The following MTUS2 variants were observed in gnomAD, a reference collection of about 807,000 sequenced individuals.
MTUS2 encodes the protein microtubule associated scaffold protein 2, also known as microtubule-associated tumor suppressor candidate 2.
MTUS2 carries 40 observed loss-of-function variants against 114.1 expected under a neutral mutation model. That is an observed-to-expected ratio of 0.35 (90% confidence interval 0.27 to 0.46). MTUS2 has a LOEUF of 0.46. Among genes scored for constraint, MTUS2 ranks in the 20% least tolerant of loss-of-function variants. The pLI, the probability that MTUS2 is intolerant of heterozygous loss-of-function variation, is 1.00. For missense variants in MTUS2, 1,679 were observed against 1,705.4 expected, an observed-to-expected ratio of 0.98 and a Z score of 0.27; for synonymous variants, 688 against 672.0, an observed-to-expected ratio of 1.02 and a Z score of -0.37.
intron 5 of MTUS2, among the ~76,000 whole-genome samples, chr13:29,231,383 A>G (rs1485412918): frequency 6.6e-6 from 1 of 152,160 alleles, no homozygotes; most frequent in Admixed American, 6.6e-5. Flanking sequence ...CATGTCCACC[A>G]TTTCTTCGGT....
intron 5 of MTUS2, among the ~76,000 whole-genome samples, chr13:29,244,545 A>G (rs1438878450): frequency 1.3e-5 from 2 of 152,290 alleles, no homozygotes; most frequent in African/African-American, 4.8e-5. Flanking sequence ...AGTGGCATGA[A>G]CACACTGGCA....
At chr13:29,192,620 A>G (rs1894493447) in intron 5 of MTUS2, among the ~76,000 whole-genome samples, 1 of 152,214 alleles carries the variant, frequency 6.6e-6, no homozygotes, top group Admixed American at 6.5e-5. Flanking sequence ...TGATTACTAT[A>G]TATGTATTGA....
intron 5 of MTUS2, among the ~76,000 whole-genome samples, chr13:29,244,955 CAAAAAAAAAA>C (rs56095961): frequency 3.5e-4 from 21 of 60,508 alleles, no homozygotes; most frequent in African/African-American, 1.5e-3. Flanking sequence ...GACTCCGTCT[CAAAAAAAAAA>C]AAAAAAAAAA....
At chr13:29,121,990 C>T (rs550750762) in intron 5 of MTUS2, among the ~76,000 whole-genome samples, 2 of 152,226 alleles carry the variant, frequency 1.3e-5, no homozygotes, top group South Asian at 2.1e-4. Flanking sequence ...CCTCACTTCT[C>T]GCTGTATTGT....
intron 5 of MTUS2, among the ~76,000 whole-genome samples, chr13:29,232,042 G>A (rs751347282): frequency 6.6e-6 from 1 of 152,038 alleles, no homozygotes; most frequent in Admixed American, 6.6e-5. Flanking sequence ...TTTACATTTG[G>A]CCTAAGAGTT....
intron 1 of MTUS2, among the ~76,000 whole-genome samples, chr13:28,836,302 C>T (rs1384935410): frequency 6.6e-6 from 1 of 152,168 alleles, no homozygotes; most frequent in Admixed American, 6.5e-5. Flanking sequence ...CCACCCCTTG[C>T]TGAGTGGCTA....
intron 4 of MTUS2, among the ~76,000 whole-genome samples, chr13:29,038,746 G>A (rs866308232): frequency 4.6e-5 from 7 of 152,250 alleles, no homozygotes; most frequent in African/African-American, 7.2e-5. Context: ...CTGCCCAGAC[G>A]GGAGGAATCT....
chr13:29,245,147 A>G (rs2062734675), intron 5 of MTUS2, among the ~76,000 whole-genome samples: 1 of 152,100 alleles, frequency 6.6e-6, no homozygotes, highest in African/African-American at 2.4e-5. Context: ...AATCATAGAC[A>G]TGCATCAGGA....
chr13:29,067,701 G>A (rs1057139529), intron 4 of MTUS2, among the ~76,000 whole-genome samples: 3 of 152,156 alleles, frequency 2.0e-5, no homozygotes, highest in African/African-American at 4.8e-5. Flanking sequence ...TCAGAGCATG[G>A]TGGGAGAGAT....
At chr13:29,389,399 A>ATACACGTGTGTGTGTG (rs1566172853) in intron 8 of MTUS2, among the ~76,000 whole-genome samples, 1 of 67,982 alleles carries the variant, frequency 1.5e-5, no homozygotes, top group Non-Finnish European at 2.8e-5. Context: ...GTGTGTGTAT[A>ATACACGTGTGTGTGTG]TATGTATACA....
At chr13:28,860,576 C>T (rs777442373) in intron 2 of MTUS2, among the ~76,000 whole-genome samples, 1 of 152,140 alleles carries the variant, frequency 6.6e-6, no homozygotes, top group Non-Finnish European at 1.5e-5. Context: ...AGCAAAACAT[C>T]GCCACATGCT....
At position 29,213,422 on chromosome 13, in the gene MTUS2, T is replaced by C. The variant is rs1895538757; in HGVS notation, c.2645-68282T>C. Among the ~76,000 whole-genome samples the C allele has an allele frequency of 2.0e-5, 3 of 152,232 alleles. No homozygotes were observed. The South Asian group carries it at 6.2e-4, about 32-fold the overall frequency. On this transcript the variant is annotated intron_variant, in intron 5 of 15. Transcript: ENST00000612955. Reference sequence around the variant, plus strand: ...ATTTTCTCTCTATATGTTCTTTCAGTAGCTGAGAAAGGGCTTGAAACATCA... The same window carrying C: ...ATTTTCTCTCTATATGTTCTTTCAGCAGCTGAGAAAGGGCTTGAAACATCA...
intron 2 of MTUS2, among the ~76,000 whole-genome samples, chr13:28,976,310 G>A (rs1276258795): frequency 6.6e-6 from 1 of 151,972 alleles, no homozygotes; most frequent in Non-Finnish European, 1.5e-5. Flanking sequence ...AGAGAGGTAT[G>A]AAGCAACCTA....
At chr13:29,280,204 CAT>C (rs1297171832) in intron 5 of MTUS2, among the ~76,000 whole-genome samples, 2 of 152,186 alleles carry the variant, frequency 1.3e-5, no homozygotes, top group African/African-American at 4.8e-5. Flanking sequence ...TTGCATCAAA[CAT>C]ATTTTTTATC....
At chr13:29,432,181 A>C (rs2138645306) in intron 8 of MTUS2, among the ~76,000 whole-genome samples, 1 of 152,184 alleles carries the variant, frequency 6.6e-6, no homozygotes, top group Middle Eastern at 3.4e-3. Flanking sequence ...ACTTGAGCTA[A>C]ATAAAAAGTA....
rs114933747 is a variant in MTUS2 at position 29,318,019 on chromosome 13, A to G, written c.2807-6594A>G. 6.0e-3 allele frequency among the ~76,000 whole-genome samples: 907 copies of G among 152,280 alleles called. 12 individuals carry two copies. The highest frequency in any genetic ancestry group is 0.021 in the African/African-American group (856 of 41,550). The stretch of plus-strand genomic sequence containing the variant: ...TTGCTTTGCTCCGTCTGCGTCTGCA[A>G]TCCTCGTGTTCCCTGTGTGGGAGCT... On this transcript the variant is annotated intron_variant, in intron 6 of 15. Transcript: ENST00000612955.
intron 5 of MTUS2, among the ~76,000 whole-genome samples, chr13:29,157,326 A>G (rs954403844): frequency 6.6e-6 from 1 of 152,164 alleles, no homozygotes; most frequent in African/African-American, 2.4e-5. Flanking sequence ...TGCTCTCTCC[A>G]TCAGTGTGTA....
At position 29,293,893 on chromosome 13, in the gene MTUS2, T is replaced by G. The variant is rs139776702; in HGVS notation, c.2806+12028T>G. Reference sequence around the variant, plus strand: ...ATTTTATGTATGCCTTTTTGTAAATTTATAGAAAAAGTTGGAAAATATCAT... The same window carrying G: ...ATTTTATGTATGCCTTTTTGTAAATGTATAGAAAAAGTTGGAAAATATCAT... On this transcript the variant is annotated intron_variant, in intron 6 of 15. Transcript: ENST00000612955. Among the ~76,000 whole-genome samples the G allele has an allele frequency of 1.6e-3, 240 of 151,904 alleles. 10 individuals carry two copies. The East Asian group carries it at 0.043, about 27-fold the overall frequency.
chr13:29,025,143 A>G lies in MTUS2; in HGVS notation c.445A>G (p.Lys149Glu). 3 of 1,613,928 alleles carry G rather than the reference A, an allele frequency of 1.9e-6. No individual in the cohort carries two copies. The highest frequency in any genetic ancestry group is 1.7e-6 in the Non-Finnish European group (2 of 1,179,880). ...MSEASLDVLA[K>E]RDAEIPRHVP... ...TGAGGCCAGTCTAGACGTTTTGGCT[A>G]AAAGGGATGCTGAAATTCCCCGGCA... The change falls in exon 3 of 16, where the codon AAA (lysine) becomes GAA (glutamate). Residue 149 changes from lysine to glutamate, a missense_variant. Coordinates refer to ENST00000612955, the MANE Select transcript of MTUS2 (RefSeq NM_001033602.4).
Sources: gnomAD v4.1 joint callset for allele counts (sites outside exome capture counted in the v4.1 genomes callset) on GRCh38, gnomAD v4.1.1 for gene constraint, MANE v1.5 for transcripts, NCBI Gene and HGNC (gene_info 2026-07-23, HGNC 2026-07-21) for gene names.